LYRM4: variants seen among roughly 807,000 people sequenced by gnomAD.
The protein encoded by LYRM4 is LYR motif-containing protein 4.
A neutral mutation model predicts 11.7 loss-of-function variants in LYRM4; 9 were observed. That is an observed-to-expected ratio of 0.77 (90% CI 0.46 to 1.34). The LOEUF is 1.34. Ranked by LOEUF, LYRM4 falls within the 40% of genes most tolerant of loss-of-function variation. LYRM4 has a pLI of 0.00. For synonymous variants in LYRM4, 42 were observed against 40.4 expected (o/e 1.04, Z -0.15); for missense variants, 133 against 112.5 (o/e 1.18, Z -0.82).
At chr6:5,074,417 T>G in the LYRM4 span, among the ~76,000 whole-genome samples, 1 of 149,266 alleles carries the variant, frequency 6.7e-6, no homozygotes, top group East Asian at 2.0e-4. Flanking sequence ...TTTTTTTTTT[T>G]TTTTTGGAGT....
the LYRM4 span, among the ~76,000 whole-genome samples, chr6:5,077,673 A>C: frequency 6.6e-6 from 1 of 152,246 alleles, no homozygotes; most frequent in Admixed American, 6.5e-5. Flanking sequence ...AACTTGAAGA[A>C]TTAATAGATA....
At chr6:5,258,610 G>A (rs2773318) in intron 1 of LYRM4, among the ~76,000 whole-genome samples, 42,251 of 152,082 alleles carry the variant, frequency 0.28, 7,220 homozygotes, top group African/African-American at 0.48. Context: ...GTAAAAGGAC[G>A]TATTTTTATA....
chr6:5,063,936 G>C, the LYRM4 span, among the ~76,000 whole-genome samples: 2 of 152,340 alleles, frequency 1.3e-5, no homozygotes, highest in Admixed American at 6.5e-5. Context: ...CGAAGGGGTT[G>C]ACTTGCCAGG....
chr6:5,233,204 G>T (rs1251234737), intron 1 of LYRM4, among the ~76,000 whole-genome samples: 3 of 152,194 alleles, frequency 2.0e-5, no homozygotes, highest in African/African-American at 7.2e-5. Flanking sequence ...CAAAAAAAAT[G>T]AGTGACTTGG....
chr6:5,041,987 A>G, the LYRM4 span, among the ~76,000 whole-genome samples: 1 of 152,218 alleles, frequency 6.6e-6, no homozygotes, highest in Admixed American at 6.5e-5. Flanking sequence ...TATTCTTGTT[A>G]CCAGAGTAGT....
intron 2 of LYRM4, among the ~76,000 whole-genome samples, chr6:5,156,082 T>C (rs949836910): frequency 6.6e-6 from 1 of 152,226 alleles, no homozygotes; most frequent in Non-Finnish European, 1.5e-5. Context: ...TCTGGAGTGT[T>C]TGCCAAAATA....
intron 2 of LYRM4, among the ~76,000 whole-genome samples, chr6:5,179,857 A>G (rs1471408521): frequency 6.6e-6 from 1 of 152,192 alleles, no homozygotes; most frequent in East Asian, 1.9e-4. Flanking sequence ...GTTGGGTTTT[A>G]TAACATTTTG....
chr6:5,120,684 C>T (rs1763409635), intron 2 of LYRM4, among the ~76,000 whole-genome samples: 1 of 152,150 alleles, frequency 6.6e-6, no homozygotes, highest in East Asian at 1.9e-4. Context: ...GCTGATTGGT[C>T]CATTTTACAG....
intron 2 of LYRM4, among the ~76,000 whole-genome samples, chr6:5,126,317 A>C (rs959190667): frequency 2.0e-5 from 3 of 152,202 alleles, no homozygotes; most frequent in Non-Finnish European, 2.9e-5. Flanking sequence ...ACTGAGTATA[A>C]TGCTCAGGGG....
intron 1 of LYRM4, among the ~76,000 whole-genome samples, chr6:5,240,274 A>G (rs1184601965): frequency 6.6e-6 from 1 of 151,914 alleles, no homozygotes; most frequent in Non-Finnish European, 1.5e-5. Flanking sequence ...TCTGCCATCC[A>G]TTATTACTAC....
intron 2 of LYRM4, among the ~76,000 whole-genome samples, chr6:5,202,203 T>G (rs1761430457): frequency 6.6e-6 from 1 of 152,286 alleles, no homozygotes; most frequent in South Asian, 2.1e-4. Context: ...AGAACATTAC[T>G]ATATATGATC....
chr6:5,052,772 T>A, the LYRM4 span, among the ~76,000 whole-genome samples: 1 of 152,244 alleles, frequency 6.6e-6, no homozygotes, highest in African/African-American at 2.4e-5. Context: ...AAAATAATTT[T>A]TAAAAAATTA....
chr6:5,079,469 C>T, the LYRM4 span, among the ~76,000 whole-genome samples: 1 of 152,180 alleles, frequency 6.6e-6, no homozygotes, highest in Admixed American at 6.5e-5. Flanking sequence ...CAATTGCTTC[C>T]AGCTCAAAAT....
At chr6:5,239,783 A>G (rs755190667) in intron 1 of LYRM4, among the ~76,000 whole-genome samples, 2 of 152,148 alleles carry the variant, frequency 1.3e-5, no homozygotes, top group Non-Finnish European at 2.9e-5. Context: ...TAATCGGCAC[A>G]GGCCACATTG....
chr6:5,074,011 C>G, the LYRM4 span, among the ~76,000 whole-genome samples: 1 of 152,166 alleles, frequency 6.6e-6, no homozygotes, highest in Non-Finnish European at 1.5e-5. Context: ...CCACCAATGC[C>G]TCAGCTAGAC....
chr6:5,214,079 T>C (rs1762126504), intron 2 of LYRM4, among the ~76,000 whole-genome samples: 1 of 152,214 alleles, frequency 6.6e-6, no homozygotes, highest in Non-Finnish European at 1.5e-5. Flanking sequence ...GTGGAGATGA[T>C]GACAGCGACA....
chr6:5,173,806 C>T (rs557179939), intron 2 of LYRM4, among the ~76,000 whole-genome samples: 3 of 152,224 alleles, frequency 2.0e-5, no homozygotes, highest in Admixed American at 1.3e-4. Flanking sequence ...TGAATTAATG[C>T]GGTGGGTTTT....
intron 1 of LYRM4, among the ~76,000 whole-genome samples, chr6:5,221,986 T>C (rs1762609607): frequency 6.6e-6 from 1 of 152,246 alleles, no homozygotes; most frequent in Admixed American, 6.5e-5. Flanking sequence ...GGTGTGTGTA[T>C]GTGTGTAGTG....
the LYRM4 span, among the ~76,000 whole-genome samples, chr6:5,041,107 G>A: frequency 6.6e-6 from 1 of 152,106 alleles, no homozygotes; most frequent in Non-Finnish European, 1.5e-5. Flanking sequence ...GGAGGTTGCA[G>A]TGAGTGGAGA....
Sources: gnomAD v4.1 joint callset for allele counts (sites outside exome capture counted in the v4.1 genomes callset) on GRCh38, gnomAD v4.1.1 for gene constraint, MANE v1.5 for transcripts, NCBI Gene and HGNC (gene_info 2026-07-23, HGNC 2026-07-21) for gene names.